Variants in ANKS1B observed in about 807,000 individuals in gnomAD.
The protein encoded by ANKS1B is ankyrin repeat and sterile alpha motif domain-containing protein 1B.
A neutral mutation model predicts 148.3 loss-of-function variants in ANKS1B; 36 were observed. That is an observed-to-expected ratio of 0.24 (90% confidence interval 0.19 to 0.32). The LOEUF (loss-of-function observed/expected upper bound fraction) is 0.32, where lower values mean the gene tolerates loss of function less well. ANKS1B is among the 10% of genes least tolerant of loss of function. The pLI, the probability that ANKS1B is intolerant of heterozygous loss-of-function variation, is 1.00. For synonymous variants in ANKS1B, 542 were observed against 560.8 expected (o/e 0.97, Z 0.47); for missense variants, 1,157 against 1,542.6 (o/e 0.75, Z 4.19).
chr12:99,199,860 T>G (rs1448217104), intron 14 of ANKS1B, among the ~76,000 whole-genome samples: 2 of 152,186 alleles, frequency 1.3e-5, no homozygotes, highest in Non-Finnish European at 2.9e-5. Context: ...CTCCTTTATG[T>G]GTGACCATCA....
intron 17 of ANKS1B, among the ~76,000 whole-genome samples, chr12:98,871,887 C>A (rs181201870): frequency 2.4e-4 from 37 of 152,312 alleles, no homozygotes; most frequent in Non-Finnish European, 4.1e-4. Flanking sequence ...AGCTTGTACA[C>A]TGTCACATGT....
chr12:99,054,485 C>G (rs1003282064), intron 16 of ANKS1B, among the ~76,000 whole-genome samples: 1 of 152,022 alleles, frequency 6.6e-6, no homozygotes, highest in African/African-American at 2.4e-5. Context: ...TTTCTCTTTT[C>G]CAGTTGTTCC....
At chr12:99,732,692 A>G (rs1297906750) in intron 8 of ANKS1B, among the ~76,000 whole-genome samples, 2 of 152,196 alleles carry the variant, frequency 1.3e-5, no homozygotes, top group Non-Finnish European at 2.9e-5. Context: ...CATTTTTCAA[A>G]CTCACCCAAA....
chr12:98,905,711 G>A (rs1401072831), intron 17 of ANKS1B, among the ~76,000 whole-genome samples: 1 of 152,090 alleles, frequency 6.6e-6, no homozygotes, highest in Admixed American at 6.6e-5. Flanking sequence ...AGTTGAGGCT[G>A]TAGTGAGCCA....
chr12:98,908,642 G>A (rs1277929156), intron 17 of ANKS1B, among the ~76,000 whole-genome samples: 3 of 152,136 alleles, frequency 2.0e-5, no homozygotes, highest in African/African-American at 7.2e-5. Flanking sequence ...GAAATCTTTT[G>A]GTAAGCTGCT....
intron 9 of ANKS1B, among the ~76,000 whole-genome samples, chr12:99,636,756 A>G (rs1002088555): frequency 6.6e-6 from 1 of 152,226 alleles, no homozygotes; most frequent in Non-Finnish European, 1.5e-5. Context: ...GTGCACGTCC[A>G]TGAATGAGAA....
intron 16 of ANKS1B, among the ~76,000 whole-genome samples, chr12:99,060,369 G>C (rs1055279208): frequency 2.6e-5 from 4 of 151,914 alleles, no homozygotes; most frequent in Non-Finnish European, 5.9e-5. Flanking sequence ...GGGTTTGAGG[G>C]GGTCAGCTAC....
At chr12:99,619,060 G>A (rs1410408134) in intron 9 of ANKS1B, among the ~76,000 whole-genome samples, 2 of 152,082 alleles carry the variant, frequency 1.3e-5, no homozygotes, top group Admixed American at 6.5e-5. Flanking sequence ...TGCTGTGTGT[G>A]TGCCATTGTT....
rs558662903 is a variant in ANKS1B at position 99,118,493 on chromosome 12, G to T, written c.2527-33470C>A. The stretch of plus-strand genomic sequence containing the variant: ...TTTCCTGAAAGAGTGACTGTACAGC[G>T]CCTGGTGTTCTAAATCCAGTCGCTA... On this transcript the variant is annotated intron_variant, in intron 15 of 26. Transcript: ENST00000683438. 1.9e-3 allele frequency among the ~76,000 whole-genome samples: 294 copies of T among 152,154 alleles called. 1 individual carries two copies. The highest frequency in any genetic ancestry group is 2.6e-3 in the Admixed American group (40 of 15,288).
intron 17 of ANKS1B, among the ~76,000 whole-genome samples, chr12:98,915,833 C>G (rs1364496563): frequency 6.6e-6 from 1 of 152,218 alleles, no homozygotes; most frequent in Non-Finnish European, 1.5e-5. Context: ...CAGAAACACA[C>G]CATGGTGAAC....
chr12:99,519,472 G>A (rs779008572), intron 9 of ANKS1B, among the ~76,000 whole-genome samples: 2 of 151,926 alleles, frequency 1.3e-5, no homozygotes, highest in Non-Finnish European at 2.9e-5. Context: ...ATTATATAAC[G>A]ACCTTCTTTG....
At chr12:99,560,757 T>C (rs2153195692) in intron 9 of ANKS1B, among the ~76,000 whole-genome samples, 1 of 152,258 alleles carries the variant, frequency 6.6e-6, no homozygotes, top group East Asian at 1.9e-4. Flanking sequence ...GTGGAGGGTC[T>C]TGCCTCAGTA....
intron 14 of ANKS1B, among the ~76,000 whole-genome samples, chr12:99,217,921 A>G (rs1359614246): frequency 6.6e-6 from 1 of 152,178 alleles, no homozygotes; most frequent in Non-Finnish European, 1.5e-5. Flanking sequence ...GTAAGTAATG[A>G]ATCTTCAATT....
chr12:99,582,978 T>C (rs2097585096), intron 9 of ANKS1B, among the ~76,000 whole-genome samples: 1 of 152,172 alleles, frequency 6.6e-6, no homozygotes, highest in Non-Finnish European at 1.5e-5. Context: ...ACTTATATTA[T>C]TTGATTTACA....
chr12:99,080,140 G>T (rs1226264052), intron 16 of ANKS1B, among the ~76,000 whole-genome samples: 2 of 152,184 alleles, frequency 1.3e-5, no homozygotes, highest in African/African-American at 4.8e-5. Context: ...CTCCTTGCTT[G>T]GCCGCCTTGC....
intron 17 of ANKS1B, among the ~76,000 whole-genome samples, chr12:98,936,866 G>A (rs1421334305): frequency 1.3e-5 from 2 of 152,204 alleles, no homozygotes; most frequent in Non-Finnish European, 2.9e-5. Flanking sequence ...TGACTTCACA[G>A]GGAATTGTGA....
At chr12:99,043,713 C>T (rs937847060) in intron 17 of ANKS1B, among the ~76,000 whole-genome samples, 1 of 152,178 alleles carries the variant, frequency 6.6e-6, no homozygotes, top group African/African-American at 2.4e-5. Context: ...AGATATAAAT[C>T]CCAAGCTATA....
At chr12:99,744,211 T>C (rs1003683953) in intron 8 of ANKS1B, among the ~76,000 whole-genome samples, 10 of 152,212 alleles carry the variant, frequency 6.6e-5, no homozygotes, top group Non-Finnish European at 1.2e-4. Flanking sequence ...TTCAAGTGAA[T>C]TAATTCTTAC....
At chr12:98,808,661 T>A (rs117444547) in intron 19 of ANKS1B, among the ~76,000 whole-genome samples, 2 of 152,344 alleles carry the variant, frequency 1.3e-5, no homozygotes, top group East Asian at 3.9e-4. Context: ...TTATCAGTAA[T>A]GTTTGCTCAG....
Sources: gnomAD v4.1 joint callset for allele counts (sites outside exome capture counted in the v4.1 genomes callset) on GRCh38, gnomAD v4.1.1 for gene constraint, MANE v1.5 for transcripts, NCBI Gene and HGNC (gene_info 2026-07-23, HGNC 2026-07-21) for gene names.